The following KIF16B variants were observed in gnomAD, a reference collection of about 807,000 sequenced individuals.
KIF16B encodes the protein kinesin family member 16B.
A neutral mutation model predicts 156.3 loss-of-function variants in KIF16B; 98 were observed. The observed-to-expected ratio is 0.63, with a 90% CI of 0.53 to 0.74. The LOEUF is 0.74. KIF16B is among the 30% of genes least tolerant of loss of function. KIF16B has a pLI of 0.00. For synonymous variants in KIF16B, 564 were observed against 583.7 expected, an observed-to-expected ratio of 0.97 and a Z score of 0.49; for missense variants, 1,421 against 1,606.5, an observed-to-expected ratio of 0.88 and a Z score of 1.97.
At chr20:16,308,103 T>C (rs541313872) in intron 25 of KIF16B, among the ~76,000 whole-genome samples, 17 of 151,860 alleles carry the variant, frequency 1.1e-4, no homozygotes, top group Middle Eastern at 3.4e-3. Context: ...CAATGTGACA[T>C]CTCATAAATA....
At chr20:16,518,672 A>G (rs2069225957) in intron 3 of KIF16B, among the ~76,000 whole-genome samples, 2 of 152,220 alleles carry the variant, frequency 1.3e-5, no homozygotes, top group South Asian at 4.1e-4. Context: ...ATGACTGTAG[A>G]TTTAAGTTGC....
In KIF16B at chr20:16,510,087, G is replaced by A. The variant is rs1002330063; in HGVS notation, c.556+1331C>T. On this transcript the variant is annotated intron_variant, in intron 6 of 25. Transcript: ENST00000354981. ...TAATCCCTCTAATAATTTCCCTAAG[G>A]TTTGAATAGCACATTGATTATAAAC... is the stretch of plus-strand genomic sequence containing the variant. 3.3e-5 allele frequency among the ~76,000 whole-genome samples: 5 copies of A among 152,076 alleles called. No homozygotes were observed. The East Asian group carries it at 7.7e-4, about 23-fold the overall frequency.
At chr20:16,382,891 A>AT (rs959455487) in intron 17 of KIF16B, among the ~76,000 whole-genome samples, 10 of 152,182 alleles carry the variant, frequency 6.6e-5, no homozygotes, top group African/African-American at 2.2e-4. Context: ...CAAAATCCTG[A>AT]TTGGAAACAA....
chr20:16,319,336 A>ACT (rs2063741643), intron 24 of KIF16B, among the ~76,000 whole-genome samples: 1 of 152,094 alleles, frequency 6.6e-6, no homozygotes, highest in Admixed American at 6.5e-5. Context: ...GTATATAAGA[A>ACT]CTCTGTACTA....
chr20:16,552,762 T>A (rs1002559612), intron 1 of KIF16B, among the ~76,000 whole-genome samples: 1 of 152,190 alleles, frequency 6.6e-6, no homozygotes, highest in Non-Finnish European at 1.5e-5. Context: ...AGGAAATATG[T>A]GCTTATATAT....
chr20:16,507,156 CAGG>C (rs1396976211), intron 7 of KIF16B, among the ~76,000 whole-genome samples: 3 of 150,922 alleles, frequency 2.0e-5, no homozygotes, highest in Admixed American at 6.6e-5. Flanking sequence ...AACCAGAAAG[CAGG>C]AGAAAAACCA....
chr20:16,383,053 G>A (rs189696857), intron 17 of KIF16B, among the ~76,000 whole-genome samples: 1 of 152,272 alleles, frequency 6.6e-6, no homozygotes, highest in Non-Finnish European at 1.5e-5. Flanking sequence ...GAGTGCAGTG[G>A]TGTGATCATG....
intron 1 of KIF16B, among the ~76,000 whole-genome samples, chr20:16,551,280 G>A (rs778775534): frequency 2.0e-5 from 3 of 152,042 alleles, no homozygotes; most frequent in Admixed American, 6.5e-5. Context: ...ACAGGCACTC[G>A]CCACCATGCC....
intron 21 of KIF16B, among the ~76,000 whole-genome samples, chr20:16,371,094 C>T (rs1201412722): frequency 6.6e-6 from 1 of 150,426 alleles, no homozygotes; most frequent in African/African-American, 2.4e-5. Context: ...ACTTTATAAT[C>T]ACTTAAAAGT....
At chr20:16,540,792 T>C (rs1380788411) in intron 1 of KIF16B, among the ~76,000 whole-genome samples, 1 of 152,138 alleles carries the variant, frequency 6.6e-6, no homozygotes, top group Admixed American at 6.5e-5. Flanking sequence ...AAATAAAATA[T>C]AGGAAGCCCG....
At chr20:16,351,446 G>T (rs1173520339) in intron 23 of KIF16B, among the ~76,000 whole-genome samples, 2 of 152,218 alleles carry the variant, frequency 1.3e-5, no homozygotes, top group African/African-American at 4.8e-5. Flanking sequence ...GATGCCACGT[G>T]TCAGTGACTG....
At chr20:16,496,628 C>T (rs1031005215) in intron 11 of KIF16B, among the ~76,000 whole-genome samples, 4 of 152,084 alleles carry the variant, frequency 2.6e-5, no homozygotes, top group South Asian at 2.1e-4. Context: ...CAAATTAATA[C>T]GTTTATTAGT....
At chr20:16,512,050 T>G (rs6044043) in intron 5 of KIF16B, among the ~76,000 whole-genome samples, 35,997 of 151,568 alleles carry the variant, frequency 0.24, 4,845 homozygotes, top group East Asian at 0.36. Context: ...AGGAGGCTGA[T>G]GCAGGAGAAT....
chr20:16,341,048 G>A (rs191781227), intron 23 of KIF16B, among the ~76,000 whole-genome samples: 1 of 152,244 alleles, frequency 6.6e-6, no homozygotes, highest in East Asian at 1.9e-4. Context: ...AATAGAAGGT[G>A]GGATGCTACC....
At chr20:16,524,409 C>T (rs2069460174) in intron 3 of KIF16B, among the ~76,000 whole-genome samples, 1 of 151,976 alleles carries the variant, frequency 6.6e-6, no homozygotes, top group Admixed American at 6.6e-5. Flanking sequence ...ATGCAGCCAA[C>T]AAACATACGA....
chr20:16,457,208 A>AC (rs1555777732), intron 12 of KIF16B, among the ~76,000 whole-genome samples: 1 of 151,264 alleles, frequency 6.6e-6, no homozygotes, highest in African/African-American at 2.4e-5. Flanking sequence ...CAAGTGTTTC[A>AC]TTTTTTTTTA....
At chr20:16,432,519 C>T (rs575545743) in intron 12 of KIF16B, among the ~76,000 whole-genome samples, 6 of 152,150 alleles carry the variant, frequency 3.9e-5, no homozygotes, top group Non-Finnish European at 7.4e-5. Flanking sequence ...AAACAACCTA[C>T]GAAGTCTACC....
chr20:16,372,564 A>T (rs1252589801), intron 20 of KIF16B, among the ~76,000 whole-genome samples: 1 of 152,232 alleles, frequency 6.6e-6, no homozygotes, highest in African/African-American at 2.4e-5. Flanking sequence ...TTTTTAGGTC[A>T]TTCCACCTGG....
At chr20:16,549,102 C>T (rs2070532956) in intron 1 of KIF16B, among the ~76,000 whole-genome samples, 1 of 147,188 alleles carries the variant, frequency 6.8e-6, no homozygotes, top group African/African-American at 2.5e-5. Flanking sequence ...AGGTTAGTTA[C>T]ATATGTATAC....
Sources: gnomAD v4.1 joint callset for allele counts (sites outside exome capture counted in the v4.1 genomes callset) on GRCh38, gnomAD v4.1.1 for gene constraint, MANE v1.5 for transcripts, NCBI Gene and HGNC (gene_info 2026-07-23, HGNC 2026-07-21) for gene names.